ZNF423: variants seen among roughly 807,000 people sequenced by gnomAD.
ZNF423 encodes the protein zinc finger protein 423, also known as Ebf-associated zinc finger protein.
A neutral mutation model predicts 95.8 loss-of-function variants in ZNF423; 12 were observed. The observed-to-expected ratio is 0.13, with a 90% CI of 0.08 to 0.20. ZNF423 has a LOEUF of 0.20. Among genes scored for constraint, ZNF423 ranks in the 10% least tolerant of loss-of-function variants. The pLI is 1.00. For missense variants in ZNF423, 1,316 were observed against 1,737.1 expected (o/e 0.76, Z 4.31); for synonymous variants, 749 against 711.9 (o/e 1.05, Z -0.83).
chr16:49,656,078 A>G (rs866311827), intron 3 of ZNF423, among the ~76,000 whole-genome samples: 2 of 143,594 alleles, frequency 1.4e-5, no homozygotes, highest in South Asian at 2.1e-4. Context: ...CCTCCATCCC[A>G]TCTACACTGC....
chr16:49,512,544 C>T (rs1383026789), intron 7 of ZNF423, among the ~76,000 whole-genome samples: 2 of 152,214 alleles, frequency 1.3e-5, no homozygotes, highest in East Asian at 1.9e-4. Flanking sequence ...GGCATGGCAT[C>T]GCCACAACAT....
At chr16:49,710,229 A>G (rs1016732430) in intron 3 of ZNF423, among the ~76,000 whole-genome samples, 6 of 152,210 alleles carry the variant, frequency 3.9e-5, no homozygotes, top group Non-Finnish European at 8.8e-5. Context: ...CGTCATGTCT[A>G]GTTTTGGACC....
intron 5 of ZNF423, among the ~76,000 whole-genome samples, chr16:49,588,693 CA>C (rs1432166774): frequency 1.3e-5 from 2 of 152,314 alleles, no homozygotes; most frequent in Admixed American, 6.5e-5. Flanking sequence ...GTCTGCCTCC[CA>C]AATATGTTGA....
intron 3 of ZNF423, among the ~76,000 whole-genome samples, chr16:49,682,534 A>T (rs1360554612): frequency 6.6e-6 from 1 of 152,220 alleles, no homozygotes; most frequent in Non-Finnish European, 1.5e-5. Context: ...CTGGTCTAGG[A>T]TCCCAGGAGA....
chr16:49,608,354 T>C (rs1971609315), intron 5 of ZNF423, among the ~76,000 whole-genome samples: 1 of 152,152 alleles, frequency 6.6e-6, no homozygotes, highest in South Asian at 2.1e-4. Context: ...CCTCAAACTC[T>C]TAGCTCCAAT....
chr16:49,784,271 C>T (rs543087419), intron 2 of ZNF423, among the ~76,000 whole-genome samples: 1 of 152,122 alleles, frequency 6.6e-6, no homozygotes, highest in South Asian at 2.1e-4. Context: ...TGCGGTGACA[C>T]ACACCTGTAG....
intron 1 of ZNF423, among the ~76,000 whole-genome samples, chr16:49,852,240 T>G (rs762025785): frequency 2.6e-5 from 4 of 151,936 alleles, no homozygotes; most frequent in Non-Finnish European, 5.9e-5. Flanking sequence ...CTTTGGGACG[T>G]TGGGGTGGGC....
At chr16:49,723,403 A>G (rs553206082) in intron 3 of ZNF423, among the ~76,000 whole-genome samples, 3 of 152,222 alleles carry the variant, frequency 2.0e-5, no homozygotes, top group East Asian at 3.9e-4. Context: ...CTGTGCCTCA[A>G]CCTAGCCTTT....
At chr16:49,570,508 T>C (rs534427961) in intron 5 of ZNF423, among the ~76,000 whole-genome samples, 1 of 152,292 alleles carries the variant, frequency 6.6e-6, no homozygotes, top group Non-Finnish European at 1.5e-5. Flanking sequence ...CTCTCCCTCA[T>C]TTTTAGCTCG....
chr16:49,522,400 C>T (rs568394287), intron 7 of ZNF423, among the ~76,000 whole-genome samples: 28 of 152,264 alleles, frequency 1.8e-4, no homozygotes, highest in South Asian at 4.2e-4. Flanking sequence ...ACTACGGAAA[C>T]GTGGATGGGC....
intron 1 of ZNF423, among the ~76,000 whole-genome samples, chr16:49,828,366 C>T (rs1478313472): frequency 6.6e-6 from 1 of 152,160 alleles, no homozygotes; most frequent in Admixed American, 6.5e-5. Flanking sequence ...GAGCATTTCC[C>T]CATGTAACTT....
intron 1 of ZNF423, among the ~76,000 whole-genome samples, chr16:49,815,894 ATATATATATATATATATATATTT>A (rs1462195079): frequency 1.6e-5 from 1 of 62,030 alleles, no homozygotes; most frequent in Middle Eastern, 6.7e-3. Context: ...ATATATATAT[ATATATATATATATATATATATTT>A]TTTTTTTTTT....
At chr16:49,696,321 T>C (rs1401152500) in intron 3 of ZNF423, among the ~76,000 whole-genome samples, 1 of 152,154 alleles carries the variant, frequency 6.6e-6, no homozygotes, top group Non-Finnish European at 1.5e-5. Context: ...GGGGTATTAT[T>C]ATTGCTGTTA....
intron 2 of ZNF423, among the ~76,000 whole-genome samples, chr16:49,734,995 G>T (rs143067075): frequency 1.2e-4 from 19 of 152,242 alleles, no homozygotes; most frequent in African/African-American, 4.3e-4. Flanking sequence ...CAAGCCCACT[G>T]CATGTGACTC....
At chr16:49,640,300 C>T (rs1230066931) in intron 3 of ZNF423, among the ~76,000 whole-genome samples, 2 of 152,148 alleles carry the variant, frequency 1.3e-5, no homozygotes, top group Non-Finnish European at 2.9e-5. Flanking sequence ...TACCTACATA[C>T]ACACACAACA....
chr16:49,823,862 G>A (rs1253543721), intron 1 of ZNF423, among the ~76,000 whole-genome samples: 1 of 152,180 alleles, frequency 6.6e-6, no homozygotes, highest in African/African-American at 2.4e-5. Flanking sequence ...TGGGAAGACA[G>A]AGGTAGGAGG....
At chr16:49,538,251 G>C (rs1290708904) in intron 5 of ZNF423, among the ~76,000 whole-genome samples, 1 of 152,228 alleles carries the variant, frequency 6.6e-6, no homozygotes, top group Non-Finnish European at 1.5e-5. Flanking sequence ...GCAGCGAGCA[G>C]AACAGCTGCC....
At chr16:49,574,125 T>A (rs1053448276) in intron 5 of ZNF423, among the ~76,000 whole-genome samples, 1 of 152,222 alleles carries the variant, frequency 6.6e-6, no homozygotes, top group Non-Finnish European at 1.5e-5. Flanking sequence ...GGTTCACACC[T>A]GTAATCCCAG....
At chr16:49,687,525 C>T (rs1370557576) in intron 3 of ZNF423, among the ~76,000 whole-genome samples, 1 of 152,148 alleles carries the variant, frequency 6.6e-6, no homozygotes, top group Non-Finnish European at 1.5e-5. Context: ...ACTCTCCTGC[C>T]CACCTCCGAC....
Sources: gnomAD v4.1 joint callset for allele counts (sites outside exome capture counted in the v4.1 genomes callset) on GRCh38, gnomAD v4.1.1 for gene constraint, MANE v1.5 for transcripts, NCBI Gene and HGNC (gene_info 2026-07-23, HGNC 2026-07-21) for gene names.